Variants in TMEM106B observed in about 807,000 individuals in gnomAD.
TMEM106B encodes transmembrane protein 106B.
A neutral mutation model predicts 31.1 loss-of-function variants in TMEM106B; 15 were observed. That is an observed-to-expected ratio of 0.48 (90% CI 0.32 to 0.74). The LOEUF (loss-of-function observed/expected upper bound fraction) is 0.74. Ranked by LOEUF, TMEM106B falls within the 30% of genes least tolerant of loss-of-function variation. The probability of loss-of-function intolerance (pLI) is 0.03; values close to 1 mark genes in which losing one functional copy is unlikely to be tolerated. For synonymous variants in TMEM106B, 126 were observed against 112.5 expected (o/e 1.12, Z -0.76); for missense variants, 283 against 327.3 (o/e 0.86, Z 1.04).
rs931140687 is a variant in TMEM106B, at chr7:12,229,792, C to T, written c.555C>T (p.Thr185=). The part of the protein sequence containing the change: ...VIGKARLNNI[T]IIGPLDMKQI... ...GAAAGGCACGCTTAAACAACATAAC[C>T]ATTATTGGTCCACTTGATATGAAAC... is the stretch of plus-strand genomic sequence containing the variant. The change falls in exon 5 of 8, where the codon ACC becomes ACT. Residue 185 remains threonine (T), a synonymous_variant. Transcript: ENST00000396668. 11 of 1,606,954 alleles carry T rather than the reference C, an allele frequency of 6.8e-6. No homozygotes were observed. In the African/African-American group the frequency reaches 1.5e-4, roughly 22 times the overall value.
intron 4 of TMEM106B, 123 bp from the exon 5 acceptor site, chr7:12,229,556 T>G: frequency 2.6e-6 from 2 of 779,858 alleles, no homozygotes; most frequent in Non-Finnish European, 3.9e-6. Context: ...TCTTTGACAT[T>G]TTGGTATTAC....
At chr7:12,230,318 T>C in intron 5 of TMEM106B, 71 bp from the exon 6 acceptor site, 1 of 1,099,396 alleles carries the variant, frequency 9.1e-7, no homozygotes, top group Non-Finnish European at 1.4e-6. Flanking sequence ...TTATTTGAAG[T>C]TATGAAGTAT....
chr7:12,229,313 C>G (rs567213463), intron 4 of TMEM106B, among the ~76,000 whole-genome samples: 23 of 152,186 alleles, frequency 1.5e-4, no homozygotes, highest in African/African-American at 5.3e-4. Flanking sequence ...TTGTAAATCT[C>G]TACTAGTGTA....
chr7:12,215,207 G>T (rs181748298), intron 2 of TMEM106B, among the ~76,000 whole-genome samples, 180 bp downstream of exon 2: 83 of 152,152 alleles, frequency 5.5e-4, no homozygotes, highest in African/African-American at 2.0e-3. Context: ...ATTAATTAAG[G>T]TTCCTAAAGC....
At chr7:12,222,231 A>G (rs551919967) in intron 3 of TMEM106B, among the ~76,000 whole-genome samples, 1 of 152,206 alleles carries the variant, frequency 6.6e-6, no homozygotes, top group Non-Finnish European at 1.5e-5. Flanking sequence ...TTAGCACCTT[A>G]TAACTCCCAG....
At position 12,229,777 on chromosome 7, in the gene TMEM106B, C is replaced by T; in HGVS notation, c.540C>T (p.Arg180=). ...CAAAAACAGTTATTGGAAAGGCACGCTTAAACAACATAACCATTATTGGTC... is the reference window on the plus strand; with the variant it reads ...CAAAAACAGTTATTGGAAAGGCACGTTTAAACAACATAACCATTATTGGTC... ...QFSKTVIGKA[R]LNNITIIGPL... Residue 180 remains arginine, a synonymous_variant, in exon 5 of 8, where the codon CGC becomes CGT. Coordinates refer to ENST00000396668, the MANE Select transcript of TMEM106B (RefSeq NM_001134232.2). 1 of 1,612,300 alleles carries T rather than the reference C, an allele frequency of 6.2e-7. No individual in the cohort carries two copies. Among genetic ancestry groups the T allele is most frequent in the Non-Finnish European group, 8.5e-7 (1 of 1,179,400 alleles).
intron 4 of TMEM106B, among the ~76,000 whole-genome samples, chr7:12,228,208 C>G (rs138221252): frequency 1.3e-3 from 196 of 151,906 alleles, no homozygotes; most frequent in African/African-American, 4.6e-3. Context: ...TAAATGTAAT[C>G]ATATAATTGC....
At chr7:12,216,988 A>T (rs1275485048) in intron 2 of TMEM106B, among the ~76,000 whole-genome samples, 2 of 151,706 alleles carry the variant, frequency 1.3e-5, no homozygotes, top group Non-Finnish European at 2.9e-5. Context: ...GAGAGAAGAG[A>T]GGTAGTCATT....
rs1782127550 is a variant in TMEM106B at position 12,236,001 on chromosome 7, T to TTCTTC, written c.*4027_*4028insCTTCT. On this transcript the variant is annotated 3_prime_UTR_variant, in exon 8 of 8. Transcript: ENST00000396668. ...GATGAGATGTTTATCTTAGACTATT[T>TTCTTC]TAGGGAAAAATTTTACATGTTTGAG... 6.6e-6 allele frequency: 1 copy of TTCTTC among 151,510 alleles called. No individual in the cohort carries two copies. 9.4% of individuals were successfully genotyped at this position (151,510 alleles called of 1,614,324 possible).
At chr7:12,222,023 TTGAG>T (rs978272345) in intron 3 of TMEM106B, among the ~76,000 whole-genome samples, 1 of 152,214 alleles carries the variant, frequency 6.6e-6, no homozygotes, top group African/African-American at 2.4e-5. Flanking sequence ...TCTTTACAAA[TTGAG>T]TGATTTGTAA....
Position 12,224,305 on chromosome 7 carries a change from A to G in TMEM106B, c.361A>G (p.Ile121Val), listed in dbSNP as rs1157321295. 8 of 1,613,992 alleles carry G rather than the reference A, an allele frequency of 5.0e-6. No homozygotes were observed. Among genetic ancestry groups the G allele is most frequent in the Non-Finnish European group, 5.9e-6 (7 of 1,179,948 alleles). The change falls in exon 4 of 8, where the codon ATC becomes GTC. Residue 121 changes from isoleucine to valine, a missense_variant. Around this residue, in one of 3 missense-constraint regions of TMEM106B, gnomAD observed 201 missense variants for 211.5 expected, o/e 0.95. Transcript: ENST00000396668. ...TGTGTTTTTCCTTTTCCCTCGCTCT[A>G]TCGACGTGAAATACATTGGTGTAAA... ...LAVFFLFPRS[I>V]DVKYIGVKSA...
At chr7:12,228,889 C>T (rs890958898) in intron 4 of TMEM106B, among the ~76,000 whole-genome samples, 1 of 151,852 alleles carries the variant, frequency 6.6e-6, no homozygotes, top group Non-Finnish European at 1.5e-5. Context: ...TATTTTTGGC[C>T]ATTTAGCTTT....
chr7:12,219,258 A>G (rs1274385565), intron 3 of TMEM106B, among the ~76,000 whole-genome samples: 1 of 152,210 alleles, frequency 6.6e-6, no homozygotes, highest in Admixed American at 6.5e-5. Context: ...TTGACATATT[A>G]GGGAGATCAT....
intron 1 of TMEM106B, among the ~76,000 whole-genome samples, 173 bp from the exon 2 acceptor site, chr7:12,214,636 C>T (rs1455358887): frequency 1.3e-5 from 2 of 152,202 alleles, no homozygotes; most frequent in Non-Finnish European, 2.9e-5. Context: ...CCTGTTGAGA[C>T]TGTGCCTCAG....
intron 2 of TMEM106B, 143 bp from the exon 3 acceptor site, chr7:12,218,315 C>A: frequency 4.3e-6 from 2 of 462,206 alleles, no homozygotes; most frequent in Non-Finnish European, 3.7e-6. Flanking sequence ...CTGCTGGATA[C>A]TTTCTGAAGA....
chr7:12,212,083 A>G lies in TMEM106B; in HGVS notation c.-3+658A>G, dbSNP rs77287807. On this transcript the variant is annotated intron_variant, in intron 1 of 7. Coordinates refer to ENST00000396668, the MANE Select transcript of TMEM106B (RefSeq NM_001134232.2). ...GAAAATCTAGTAGAGAAGGCAAGGG[A>G]TTCCCAGTTTCTCACAGAGTCTGGC... 1.8e-3 allele frequency among the ~76,000 whole-genome samples: 276 copies of G among 152,336 alleles called. 3 individuals are homozygous for G. In the East Asian group the frequency reaches 0.046, roughly 25 times the overall value.
chr7:12,231,265 T>C, intron 7 of TMEM106B, 150 bp downstream of exon 7: 4 of 566,540 alleles, frequency 7.1e-6, no homozygotes, highest in Non-Finnish European at 1.2e-5. Context: ...TCACCCACTT[T>C]AAAAATTACG....
intron 3 of TMEM106B, among the ~76,000 whole-genome samples, chr7:12,221,585 C>T (rs1781788450): frequency 6.6e-6 from 1 of 152,172 alleles, no homozygotes. Flanking sequence ...TCAGCCAGCA[C>T]AGGGCAGTGA....
Position 12,231,128 on chromosome 7 carries a change from C to G in TMEM106B, c.686+13C>G. On this transcript the variant is annotated intron_variant, in intron 7 of 7. Transcript: ENST00000396668. ...TACTCATGATGCAGTAAGTACAAAT[C>G]TTTTTTGAAAGAGATTTTGCTTGTT... is the stretch of plus-strand genomic sequence containing the variant. 1 of 1,586,010 alleles carries G rather than the reference C, an allele frequency of 6.3e-7. No homozygotes were observed. Among genetic ancestry groups the G allele is most frequent in the Admixed American group, 1.8e-5 (1 of 56,892 alleles).
Sources: allele counts gnomAD v4.1 joint callset (sites outside exome capture counted in the v4.1 genomes callset), GRCh38; gene constraint gnomAD v4.1.1; regional missense constraint gnomAD v4.1.1; transcripts MANE v1.5; gene names NCBI Gene and HGNC (gene_info 2026-07-23, HGNC 2026-07-21).